Variants in RAB38 observed in about 807,000 individuals in gnomAD.
RAB38 encodes the protein ras-related protein Rab-38.
In RAB38, 15 loss-of-function variants were observed where a neutral mutation model predicts 18.4. The ratio of observed to expected loss-of-function variants is 0.82; its 90% CI spans 0.55 to 1.26. RAB38 has a LOEUF of 1.26. RAB38 is among the 50% of genes most tolerant of loss of function. The pLI is 0.00. For missense variants in RAB38, 294 were observed against 267.4 expected (o/e 1.10, Z -0.69); for synonymous variants, 101 against 104.4 (o/e 0.97, Z 0.20).
chr11:88,087,040 G>A, the RAB38 span, among the ~76,000 whole-genome samples: 1 of 151,894 alleles, frequency 6.6e-6, no homozygotes, highest in Non-Finnish European at 1.5e-5. Context: ...ATACAACTAA[G>A]AATTAACAGG....
the RAB38 span, among the ~76,000 whole-genome samples, chr11:88,030,736 A>G: frequency 2.0e-5 from 3 of 152,210 alleles, no homozygotes; most frequent in South Asian, 2.1e-4. Context: ...GCAATAATCT[A>G]TAGCTTACCA....
chr11:88,171,094 C>G lies in RAB38; in HGVS notation c.202+4089G>C, dbSNP rs557984442. ...TCAAGTGGGAAAATGTATGTGAAAA[C>G]AGTCTGTAATAATAACAATTATGAC... On this transcript the variant is annotated intron_variant, in intron 1 of 2. Coordinates refer to ENST00000243662, the MANE Select transcript of RAB38 (RefSeq NM_022337.3). 5.9e-5 allele frequency among the ~76,000 whole-genome samples: 9 copies of G among 152,328 alleles called. No homozygotes were observed. In the South Asian group the frequency reaches 1.7e-3, roughly 28 times the overall value.
chr11:87,809,540 T>C, the RAB38 span, among the ~76,000 whole-genome samples: 1 of 152,210 alleles, frequency 6.6e-6, no homozygotes, highest in South Asian at 2.1e-4. Context: ...GGACTTTTGA[T>C]ACTAAATCAA....
At chr11:88,117,391 T>C (rs549083442) in intron 2 of RAB38, among the ~76,000 whole-genome samples, 3 of 152,230 alleles carry the variant, frequency 2.0e-5, no homozygotes, top group South Asian at 2.1e-4. Context: ...AGTAGAGCCA[T>C]TGAGGGTTTT....
chr11:88,088,052 G>A, the RAB38 span, among the ~76,000 whole-genome samples: 5 of 151,814 alleles, frequency 3.3e-5, no homozygotes, highest in Non-Finnish European at 7.4e-5. Context: ...GGAGGTGTGT[G>A]AATCTCTAGA....
chr11:87,803,969 A>T, the RAB38 span, among the ~76,000 whole-genome samples: 1 of 152,198 alleles, frequency 6.6e-6, no homozygotes, highest in Non-Finnish European at 1.5e-5. Context: ...TACTTTGCAC[A>T]CTGTGACTGA....
At chr11:87,817,312 C>T in the RAB38 span, 1 of 152,064 alleles carries the variant, frequency 6.6e-6, no homozygotes, top group Non-Finnish European at 1.5e-5. Flanking sequence ...TGATAATTTT[C>T]AATGTATTCA....
At chr11:87,847,948 A>G in the RAB38 span, among the ~76,000 whole-genome samples, 1 of 152,150 alleles carries the variant, frequency 6.6e-6, no homozygotes, top group South Asian at 2.1e-4. Context: ...CTACAGGCCA[A>G]CAATTACCAA....
chr11:87,918,138 G>A, the RAB38 span: 1 of 151,800 alleles, frequency 6.6e-6, no homozygotes, highest in African/African-American at 2.4e-5. Context: ...GTGAGATCAT[G>A]TGGTACTTTT....
chr11:87,938,852 T>C, the RAB38 span, among the ~76,000 whole-genome samples: 5 of 151,872 alleles, frequency 3.3e-5, no homozygotes, highest in Admixed American at 6.6e-5. Context: ...TGCCTTCTTT[T>C]CTCTACCTTT....
the RAB38 span, among the ~76,000 whole-genome samples, chr11:87,917,064 G>C: frequency 6.6e-5 from 10 of 152,138 alleles, no homozygotes; most frequent in Admixed American, 2.0e-4. Context: ...GGGAGAGAGA[G>C]AGCAAGGGAC....
At chr11:87,904,844 T>C in the RAB38 span, among the ~76,000 whole-genome samples, 17 of 151,886 alleles carry the variant, frequency 1.1e-4, no homozygotes, top group Admixed American at 2.6e-4. Context: ...TGATGTATAT[T>C]GGTGTGATTT....
chr11:88,089,229 T>C, the RAB38 span, among the ~76,000 whole-genome samples: 1 of 151,556 alleles, frequency 6.6e-6, no homozygotes, highest in Non-Finnish European at 1.5e-5. Flanking sequence ...CTCTCTCTTG[T>C]TGGGCAACCC....
At chr11:87,900,509 G>C in the RAB38 span, among the ~76,000 whole-genome samples, 1 of 151,638 alleles carries the variant, frequency 6.6e-6, no homozygotes, top group African/African-American at 2.4e-5. Flanking sequence ...AGATAGCACT[G>C]TTTCTTCTTT....
chr11:87,953,019 CTT>C, the RAB38 span, among the ~76,000 whole-genome samples: 1 of 151,706 alleles, frequency 6.6e-6, no homozygotes, highest in Non-Finnish European at 1.5e-5. Context: ...ATTTTAATAA[CTT>C]TTTAAAAATT....
the RAB38 span, among the ~76,000 whole-genome samples, chr11:87,870,801 T>C: frequency 2.6e-5 from 4 of 151,592 alleles, no homozygotes. Flanking sequence ...CTTATCATCA[T>C]ATGGGACTTA....
chr11:87,882,100 A>T, the RAB38 span, among the ~76,000 whole-genome samples: 1 of 151,894 alleles, frequency 6.6e-6, no homozygotes, highest in African/African-American at 2.4e-5. Context: ...AATCTTAAAA[A>T]TATCCTTGGT....
At chr11:88,088,112 C>A in the RAB38 span, among the ~76,000 whole-genome samples, 3 of 151,862 alleles carry the variant, frequency 2.0e-5, no homozygotes, top group African/African-American at 7.2e-5. Flanking sequence ...TCCATGTCAG[C>A]AGACAGGATG....
the RAB38 span, among the ~76,000 whole-genome samples, chr11:87,849,696 A>G: frequency 4.6e-5 from 7 of 152,152 alleles, no homozygotes; most frequent in Admixed American, 6.6e-5. Flanking sequence ...CTTCAAAGGG[A>G]AATAATCATT....
Sources: allele counts gnomAD v4.1 joint callset (sites outside exome capture counted in the v4.1 genomes callset), GRCh38; gene constraint gnomAD v4.1.1; transcripts MANE v1.5; gene names NCBI Gene and HGNC (gene_info 2026-07-23, HGNC 2026-07-21).